The following PLPP3 variants were observed in gnomAD, a reference collection of about 807,000 sequenced individuals.
PLPP3 encodes the protein phospholipid phosphatase 3, also known as PAP2 beta.
Under a neutral mutation model 29.6 loss-of-function variants are expected in PLPP3, and 6 were observed. That is an observed-to-expected ratio of 0.20 (90% CI 0.11 to 0.40). The LOEUF (loss-of-function observed/expected upper bound fraction) is 0.40. PLPP3 is among the 10% of genes least tolerant of loss of function. The pLI, the probability that PLPP3 is intolerant of heterozygous loss-of-function variation, is 1.00. For missense variants in PLPP3, 308 were observed against 407.7 expected (o/e 0.76, Z 2.11); for synonymous variants, 152 against 159.7 (o/e 0.95, Z 0.36).
chr1:56,560,135 G>A (rs541793490), intron 1 of PLPP3, among the ~76,000 whole-genome samples: 1 of 152,190 alleles, frequency 6.6e-6, no homozygotes, highest in African/African-American at 2.4e-5. Flanking sequence ...AACTGCACCT[G>A]CCCAACATCT....
intron 1 of PLPP3, among the ~76,000 whole-genome samples, chr1:56,551,947 G>C (rs549325917): frequency 3.9e-5 from 6 of 152,184 alleles, no homozygotes; most frequent in Admixed American, 6.5e-5. Context: ...AGAAGGCTTA[G>C]AGCTGCAGGT....
intron 4 of PLPP3, among the ~76,000 whole-genome samples, chr1:56,516,133 A>G (rs1645778855): frequency 1.3e-5 from 2 of 152,176 alleles, no homozygotes; most frequent in South Asian, 4.1e-4. Context: ...TACATCTGAT[A>G]TGAGAAAAAA....
Position 56,578,934 on chromosome 1 carries a change from C to T in PLPP3, c.83G>A (p.Arg28Lys), listed in dbSNP as rs1275293647. The change falls in exon 1 of 6, where the codon AGG becomes AAG. Residue 28 changes from arginine (R) to lysine (K), a missense_variant. Arg to Lys is a conservative substitution (Grantham distance 26, BLOSUM62 2). This residue lies in a region of PLPP3 where 67 missense variants were observed against 61.3 expected (regional missense o/e 1.09). Transcript: ENST00000371250. ...GAGCAGCACCCGCTTGCTGCCGCTC[C>T]TCCTCGGGTTGTTGTTGAGCGCCGG... ...GSPALNNNPR[R>K]SGSKRVLLIC... 2 of 1,606,216 alleles carry T rather than the reference C, an allele frequency of 1.2e-6. No homozygotes were observed. Among genetic ancestry groups the T allele is most frequent in the Non-Finnish European group, 1.7e-6 (2 of 1,177,114 alleles).
chr1:56,567,756 C>G (rs1234970526), intron 1 of PLPP3, among the ~76,000 whole-genome samples: 1 of 152,082 alleles, frequency 6.6e-6, no homozygotes, highest in Non-Finnish European at 1.5e-5. Context: ...GGCAGTTCCT[C>G]AAAAAGGTAA....
intron 1 of PLPP3, among the ~76,000 whole-genome samples, chr1:56,565,162 C>T (rs898324278): frequency 6.6e-6 from 1 of 152,206 alleles, no homozygotes; most frequent in African/African-American, 2.4e-5. Flanking sequence ...TCTGCCACTT[C>T]CTGTCAGTGG....
chr1:56,575,868 C>G (rs1176982308), intron 1 of PLPP3, among the ~76,000 whole-genome samples: 4 of 152,198 alleles, frequency 2.6e-5, no homozygotes, highest in African/African-American at 7.2e-5. Context: ...GTCTGTTGCT[C>G]TCCTGTAACC....
intron 5 of PLPP3, among the ~76,000 whole-genome samples, chr1:56,502,753 G>A (rs2100221926): frequency 6.6e-6 from 1 of 152,316 alleles, no homozygotes; most frequent in South Asian, 2.1e-4. Flanking sequence ...CGCTTTAAAT[G>A]CTGTGTCATA....
At chr1:56,552,948 C>T (rs956689138) in intron 1 of PLPP3, among the ~76,000 whole-genome samples, 6 of 152,078 alleles carry the variant, frequency 3.9e-5, no homozygotes, top group Admixed American at 1.3e-4. Context: ...GATTCTTCTG[C>T]GAATGAAGAA....
chr1:56,554,124 C>T (rs1646057926), intron 1 of PLPP3, among the ~76,000 whole-genome samples: 1 of 151,672 alleles, frequency 6.6e-6, no homozygotes, highest in East Asian at 1.9e-4. Context: ...GCAGAAAAAG[C>T]ACAGGTTTGG....
intron 1 of PLPP3, among the ~76,000 whole-genome samples, chr1:56,551,315 G>A (rs200235530): frequency 1.3e-5 from 2 of 150,794 alleles, no homozygotes; most frequent in South Asian, 2.1e-4. Flanking sequence ...GGTTCGGTTC[G>A]GTTCGGTTTG....
chr1:56,531,937 C>T (rs1250113403), intron 2 of PLPP3, among the ~76,000 whole-genome samples: 1 of 152,192 alleles, frequency 6.6e-6, no homozygotes, highest in African/African-American at 2.4e-5. Flanking sequence ...CCAACACACA[C>T]TGCCCCTCAC....
chr1:56,508,322 C>T (rs1000220578), intron 5 of PLPP3, among the ~76,000 whole-genome samples: 1 of 152,216 alleles, frequency 6.6e-6, no homozygotes, highest in Admixed American at 6.5e-5. Context: ...CTGTGTCAGG[C>T]TGTCTGGGGT....
chr1:56,576,738 A>T (rs1303551449), intron 1 of PLPP3, among the ~76,000 whole-genome samples: 3 of 152,206 alleles, frequency 2.0e-5, no homozygotes, highest in Non-Finnish European at 2.9e-5. Context: ...TATAATAAAC[A>T]GGTTAGAATA....
At chr1:56,574,181 C>T (rs1646219364) in intron 1 of PLPP3, among the ~76,000 whole-genome samples, 1 of 144,868 alleles carries the variant, frequency 6.9e-6, no homozygotes, top group Non-Finnish European at 1.5e-5. Context: ...GCCTGGGTGA[C>T]AGAGAAGACT....
At chr1:56,526,081 G>A (rs776115276) in intron 2 of PLPP3, among the ~76,000 whole-genome samples, 1 of 152,140 alleles carries the variant, frequency 6.6e-6, no homozygotes, top group South Asian at 2.1e-4. Flanking sequence ...AACATATTGA[G>A]TACAATTCTG....
At chr1:56,534,361 CA>C (rs1451050233) in intron 2 of PLPP3, among the ~76,000 whole-genome samples, 1 of 152,158 alleles carries the variant, frequency 6.6e-6, no homozygotes, top group East Asian at 1.9e-4. Context: ...CTGCTTTCTC[CA>C]TAACGCGTGA....
chr1:56,545,466 A>C (rs1645999590), intron 1 of PLPP3, among the ~76,000 whole-genome samples: 1 of 152,154 alleles, frequency 6.6e-6, no homozygotes, highest in Admixed American at 6.5e-5. Flanking sequence ...GCCACTTCCC[A>C]TACGCAATCT....
chr1:56,532,591 C>T (rs1487403308), intron 2 of PLPP3, among the ~76,000 whole-genome samples: 1 of 152,120 alleles, frequency 6.6e-6, no homozygotes, highest in Non-Finnish European at 1.5e-5. Flanking sequence ...AAGAAATTTG[C>T]ATGTGGTACA....
At chr1:56,501,537 C>A (rs1645668280) in intron 5 of PLPP3, among the ~76,000 whole-genome samples, 1 of 152,088 alleles carries the variant, frequency 6.6e-6, no homozygotes, top group East Asian at 1.9e-4. Context: ...CCCCTGGTAA[C>A]CATCAATCTA....
Sources: gnomAD v4.1 joint callset for allele counts (sites outside exome capture counted in the v4.1 genomes callset) on GRCh38, gnomAD v4.1.1 for gene constraint, gnomAD v4.1.1 regional missense constraint, MANE v1.5 for transcripts, NCBI Gene and HGNC (gene_info 2026-07-23, HGNC 2026-07-21) for gene names.